Variants in TMEM131L observed in about 807,000 individuals in gnomAD.
TMEM131L encodes transmembrane 131 like.
Under a neutral mutation model 192.2 loss-of-function variants are expected in TMEM131L, and 54 were observed. The ratio of observed to expected loss-of-function variants is 0.28; its 90% CI spans 0.23 to 0.35. TMEM131L has a LOEUF of 0.35. Among genes scored for constraint, TMEM131L ranks in the 10% least tolerant of loss-of-function variants. The probability of loss-of-function intolerance (pLI) is 1.00; values close to 1 mark genes in which losing one functional copy is unlikely to be tolerated. For synonymous variants in TMEM131L, 701 were observed against 704.9 expected (o/e 0.99, Z 0.09); for missense variants, 1,888 against 1,972.9 (o/e 0.96, Z 0.82).
intron 29 of TMEM131L, among the ~76,000 whole-genome samples, chr4:153,624,009 T>C (rs533621608): frequency 2.0e-5 from 3 of 152,110 alleles, no homozygotes; most frequent in Admixed American, 6.5e-5. Flanking sequence ...TTTACATTCA[T>C]ATATCCATCA....
intron 3 of TMEM131L, among the ~76,000 whole-genome samples, chr4:153,512,766 A>T (rs1378979747): frequency 1.3e-5 from 2 of 152,112 alleles, no homozygotes; most frequent in Non-Finnish European, 2.9e-5. Flanking sequence ...GGCTCGAGCC[A>T]CCAAGCTCAG....
At chr4:153,533,755 T>G (rs1386806987) in intron 3 of TMEM131L, among the ~76,000 whole-genome samples, 1 of 152,220 alleles carries the variant, frequency 6.6e-6, no homozygotes, top group Non-Finnish European at 1.5e-5. Flanking sequence ...TTCAGTACCT[T>G]ATTTTCCTTA....
At chr4:153,587,921 A>G (rs1203486412) in intron 15 of TMEM131L, 110 bp downstream of exon 15, 9 of 813,330 alleles carry the variant, frequency 1.1e-5, no homozygotes, top group African/African-American at 1.7e-5. Context: ...AAGGCATCAT[A>G]TTCTATAGAG....
At chr4:153,623,589 G>A (rs926441458) in intron 29 of TMEM131L, among the ~76,000 whole-genome samples, 2 of 152,170 alleles carry the variant, frequency 1.3e-5, no homozygotes, top group Admixed American at 1.3e-4. Flanking sequence ...TCTTATGTAA[G>A]TGGAATCACA....
chr4:153,634,143 G>T lies in TMEM131L; in HGVS notation c.4329-49G>T, dbSNP rs781274804. 8.3e-6 allele frequency: 12 copies of T among 1,453,748 alleles called. No homozygotes were observed. In the South Asian group the frequency reaches 1.0e-4, roughly 12 times the overall value. 90.1% of individuals were successfully genotyped at this position (1,453,748 alleles called of 1,614,324 possible). A position where few individuals can be genotyped will look rare whatever the true frequency, so the allele number is the denominator to read the frequency against. On this transcript the variant is annotated intron_variant, in intron 32 of 34. Coordinates refer to ENST00000409959, the MANE Select transcript of TMEM131L (RefSeq NM_001131007.2). ...AAATCATTTTCCATTTTCTTTACTT[G>T]ATGTCTTGACATCCTGTTTCTGATT... is the stretch of plus-strand genomic sequence containing the variant.
At chr4:153,534,167 T>A (rs1736131539) in intron 3 of TMEM131L, among the ~76,000 whole-genome samples, 1 of 152,172 alleles carries the variant, frequency 6.6e-6, no homozygotes, top group South Asian at 2.1e-4. Context: ...TGTTACCGAG[T>A]GAGTGTTCTG....
At chr4:153,616,002 A>G (rs551805194) in intron 26 of TMEM131L, among the ~76,000 whole-genome samples, 13 of 152,004 alleles carry the variant, frequency 8.6e-5, no homozygotes, top group Admixed American at 8.5e-4. Flanking sequence ...CCCTGAGGGC[A>G]TGGGTCTTGC....
At chr4:153,510,146 TA>T (rs1407873002) in intron 3 of TMEM131L, among the ~76,000 whole-genome samples, 1 of 152,166 alleles carries the variant, frequency 6.6e-6, no homozygotes, top group Admixed American at 6.5e-5. Context: ...TTGGATAGTT[TA>T]AAAAATGATT....
intron 13 of TMEM131L, 34 bp from the exon 14 acceptor site, chr4:153,586,175 G>A (rs775481431): frequency 1.4e-6 from 2 of 1,472,830 alleles, no homozygotes; most frequent in East Asian, 2.4e-5. Context: ...TTAGTGTTAG[G>A]AAAAGTAATT....
Position 153,592,526 on chromosome 4 carries a change from C to G in TMEM131L, c.1864C>G (p.Leu622Val), listed in dbSNP as rs1255807641. The G allele has an allele frequency of 1.2e-6, 2 of 1,614,174 alleles. No individual in the cohort carries two copies. The highest frequency in any genetic ancestry group is 1.7e-6 in the Non-Finnish European group (2 of 1,180,022). The change falls in exon 18 of 35, where the codon CTC becomes GTC. Residue 622 changes from leucine to valine, a missense_variant. Coordinates refer to ENST00000409959, the MANE Select transcript of TMEM131L (RefSeq NM_001131007.2). ...NPSSWPVSLQ[L>V]LPLSLYPKPE... ...GTCCTCTTGGCCGGTCTCCTTGCAGCTCCTGCCTCTCTCCTTGTACCCTAA... is the reference window on the plus strand; with the variant it reads ...GTCCTCTTGGCCGGTCTCCTTGCAGGTCCTGCCTCTCTCCTTGTACCCTAA...
chr4:153,586,336 C>T lies in TMEM131L; in HGVS notation c.1439C>T (p.Ala480Val). 9 of 1,604,530 alleles carry T rather than the reference C, an allele frequency of 5.6e-6. No individual in the cohort carries two copies. Among genetic ancestry groups the T allele is most frequent in the Non-Finnish European group, 7.6e-6 (9 of 1,176,596 alleles). The change falls in exon 14 of 35, where the codon GCC becomes GTC. Residue 480 changes from alanine to valine, a missense_variant. Ala to Val is a moderately conservative substitution (Grantham distance 64). Transcript: ENST00000409959. ...GTATTTTTGACTACAAACATAGGTGCCATTTTTGCAATACCTCTACAGATT... is the reference window on the plus strand; with the variant it reads ...GTATTTTTGACTACAAACATAGGTGTCATTTTTGCAATACCTCTACAGATT... ...TNVFLTTNIG[A>V]IFAIPLQIYS...
chr4:153,608,887 T>A (rs1732423112), intron 25 of TMEM131L, among the ~76,000 whole-genome samples: 1 of 152,238 alleles, frequency 6.6e-6, no homozygotes, highest in Non-Finnish European at 1.5e-5. Flanking sequence ...CTGTACATAC[T>A]TAATGTATGC....
At chr4:153,512,691 G>A (rs1364589806) in intron 3 of TMEM131L, among the ~76,000 whole-genome samples, 1 of 152,108 alleles carries the variant, frequency 6.6e-6, no homozygotes, top group Non-Finnish European at 1.5e-5. Context: ...TCAGCTCACT[G>A]AAACCTCCGC....
intron 3 of TMEM131L, among the ~76,000 whole-genome samples, chr4:153,481,693 G>A (rs984387421): frequency 1.3e-5 from 2 of 152,028 alleles, no homozygotes; most frequent in Non-Finnish European, 2.9e-5. Context: ...CTGCCACCAC[G>A]GCTGGCTGAT....
chr4:153,580,000 C>T (rs1730223109), intron 7 of TMEM131L, among the ~76,000 whole-genome samples: 1 of 152,134 alleles, frequency 6.6e-6, no homozygotes, highest in Non-Finnish European at 1.5e-5. Context: ...GATGTTAGGA[C>T]TGTGGCTCCC....
intron 16 of TMEM131L, 38 bp from the exon 17 acceptor site, chr4:153,591,015 A>G: frequency 7.2e-7 from 1 of 1,379,606 alleles, no homozygotes; most frequent in Non-Finnish European, 9.7e-7. Flanking sequence ...TTAAATATCA[A>G]AATATTTTTC....
intron 14 of TMEM131L, among the ~76,000 whole-genome samples, chr4:153,586,600 T>G (rs28464020): frequency 0.043 from 6,498 of 152,274 alleles, 362 homozygotes; most frequent in African/African-American, 0.13. Context: ...TTGAAGTTCT[T>G]GAATGAAATA....
intron 28 of TMEM131L, among the ~76,000 whole-genome samples, chr4:153,622,636 T>C (rs1173918728): frequency 6.6e-6 from 1 of 152,222 alleles, no homozygotes; most frequent in Non-Finnish European, 1.5e-5. Context: ...TCTAGAATCA[T>C]TATTAGATCA....
At chr4:153,496,073 C>T (rs774244271) in intron 3 of TMEM131L, among the ~76,000 whole-genome samples, 10 of 152,080 alleles carry the variant, frequency 6.6e-5, no homozygotes, top group Admixed American at 1.3e-4. Flanking sequence ...CTCTCGAGGG[C>T]GGCGAGACCT....
Sources: allele counts gnomAD v4.1 joint callset (sites outside exome capture counted in the v4.1 genomes callset), GRCh38; gene constraint gnomAD v4.1.1; transcripts MANE v1.5; gene names NCBI Gene and HGNC (gene_info 2026-07-23, HGNC 2026-07-21).